The following TAF1C variants were observed in gnomAD, a reference collection of about 807,000 sequenced individuals.
The protein encoded by TAF1C is TATA-box binding protein associated factor, RNA polymerase I subunit C, also known as TATA box-binding protein-associated factor RNA polymerase I subunit C.
TAF1C carries 79 observed loss-of-function variants against 70.5 expected under a neutral mutation model. The observed-to-expected ratio is 1.12, with a 90% CI of 0.93 to 1.35. TAF1C has a LOEUF of 1.35. TAF1C is among the 40% of genes most tolerant of loss of function. The pLI is 0.00. For missense variants in TAF1C, 1,412 were observed against 1,127.8 expected (o/e 1.25, Z -3.61); for synonymous variants, 614 against 491.1 (o/e 1.25, Z -3.31).
At chr16:84,185,179 G>A (rs1163733057) in intron 1 of TAF1C, 119 bp from the exon 2 acceptor site, 6 of 596,130 alleles carry the variant, frequency 1.0e-5, no homozygotes, top group Admixed American at 3.7e-5. Context: ...CCAACCACCC[G>A]TCCAGGAGAA....
chr16:84,184,806 A>G (rs2089392086), intron 2 of TAF1C, 45 bp downstream of exon 2: 4 of 1,551,558 alleles, frequency 2.6e-6, no homozygotes. Context: ...GACCCAGGGA[A>G]GGGATGTCCC....
Position 84,179,332 on chromosome 16 carries a change from G to T in TAF1C, c.2141C>A (p.Thr714Asn). Residue 714 changes from threonine (T) to asparagine (N), a missense_variant, in exon 15 of 15, where the codon ACC becomes AAC. Thr to Asn is a moderately conservative substitution (Grantham distance 65, BLOSUM62 0). Transcript: ENST00000566732. ...CCTGGTCTGTCTCCCGGGCTCCGAG[G>T]TCCTGCCCTGCTGCCTCTCCCACCA... ...AAWWERQQGRTSEPGRQTRRP... is the reference protein window; with the variant it reads ...AAWWERQQGRNSEPGRQTRRP... 1 of 1,601,308 alleles carries T rather than the reference G, an allele frequency of 6.2e-7. No individual in the cohort carries two copies. Among genetic ancestry groups the T allele is most frequent in the Non-Finnish European group, 8.5e-7 (1 of 1,179,280 alleles).
rs759542480 is a variant in TAF1C at position 84,179,257 on chromosome 16, T to G, written c.2216A>C (p.His739Pro). ...QLSSSFSLSG[H>P]VDPSEDTSSP... ...GCTGGTGTCCTCTGAGGGATCCACA[T>G]GGCCACTGAGCGAAAAGCTGCTGGA... The change falls in exon 15 of 15, where the codon CAT (histidine) becomes CCT (proline). Residue 739 changes from histidine to proline, a missense_variant. Physicochemically the swap from His to Pro is moderately conservative, Grantham distance 77. Transcript: ENST00000566732. The G allele has an allele frequency of 6.3e-7, 1 of 1,585,452 alleles. No homozygotes were observed. The highest frequency in any genetic ancestry group is 1.1e-5 in the South Asian group (1 of 88,998).
chr16:84,181,518 C>G (rs771637785), intron 10 of TAF1C, 55 bp from the exon 11 acceptor site: 2 of 1,613,492 alleles, frequency 1.2e-6, no homozygotes, highest in Non-Finnish European at 1.7e-6. Flanking sequence ...GGAAGGGGCT[C>G]AAGGGTCGCG....
chr16:84,182,539 T>G lies in TAF1C; in HGVS notation c.483-99A>C. On this transcript the variant is annotated intron_variant, in intron 6 of 14. Coordinates refer to ENST00000566732, the MANE Select transcript of TAF1C (RefSeq NM_001243156.2). This position sits in a 1 kb window ranked among gnomAD's most constrained non-coding sequence, Gnocchi z 5.0. ...AAGTGCAGTGGACACATTTCTTATT[T>G]ACCTAGAATTTCTTCCTTTGGGAGA... 1 of 1,149,666 alleles carries G rather than the reference T, an allele frequency of 8.7e-7. No individual in the cohort carries two copies. The highest frequency in any genetic ancestry group is 1.2e-6 in the Non-Finnish European group (1 of 829,146). 71.2% of individuals were successfully genotyped at this position (1,149,666 alleles called of 1,614,324 possible).
intron 3 of TAF1C, 80 bp from the exon 4 acceptor site, chr16:84,183,587 G>C (rs772109710): frequency 1.9e-6 from 3 of 1,546,120 alleles, no homozygotes; most frequent in Non-Finnish European, 2.7e-6. Flanking sequence ...GGTATCCAAG[G>C]GTCCTGAGCA....
Position 84,181,384 on chromosome 16 carries a change from G to T in TAF1C, c.1108C>A (p.His370Asn). The change falls in exon 11 of 15, where the codon CAC becomes AAC. Residue 370 changes from histidine to asparagine, a missense_variant. Transcript: ENST00000566732. ...SSWRWADFTA[H>N]PRVLTVGDRT... The stretch of plus-strand genomic sequence containing the variant: ...TCACCCACGGTCAGCACCCGAGGGT[G>T]CGCAGTGAAGTCTGCCCAACGCCAC... 1 of 1,613,864 alleles carries T rather than the reference G, an allele frequency of 6.2e-7. No individual in the cohort carries two copies. Among genetic ancestry groups the T allele is most frequent in the Non-Finnish European group, 8.5e-7 (1 of 1,179,998 alleles).
Position 84,179,175 on chromosome 16 carries a change from G to C in TAF1C, c.2298C>G (p.Thr766=). ...PADALPLPPT[T]PPSQELTPDA... is the part of the protein sequence containing the mutation. Reference sequence around the variant, plus strand: ...CCGGAGTCAACTCCTGGGAGGGCGGGGTCGTGGGGGGCAGGGGCAGAGCAT... The same window carrying C: ...CCGGAGTCAACTCCTGGGAGGGCGGCGTCGTGGGGGGCAGGGGCAGAGCAT... Residue 766 remains threonine, a synonymous_variant, in exon 15 of 15, where the codon ACC becomes ACG. Coordinates refer to ENST00000566732, the MANE Select transcript of TAF1C (RefSeq NM_001243156.2). 2 of 1,595,808 alleles carry C rather than the reference G, an allele frequency of 1.3e-6. No individual in the cohort carries two copies. The highest frequency in any genetic ancestry group is 1.7e-6 in the Non-Finnish European group (2 of 1,176,262).
chr16:84,181,822 T>C lies in TAF1C; in HGVS notation c.880A>G (p.Lys294Glu). 2 of 1,614,156 alleles carry C rather than the reference T, an allele frequency of 1.2e-6. No homozygotes were observed. The highest frequency in any genetic ancestry group is 2.2e-5 in the South Asian group (2 of 91,084). Residue 294 changes from lysine (K) to glutamate (E), a missense_variant, in exon 9 of 15, where the codon AAG becomes GAG. Lys to Glu is a moderately conservative substitution (Grantham distance 56). Coordinates refer to ENST00000566732, the MANE Select transcript of TAF1C (RefSeq NM_001243156.2). ...GTTGGCTGCCACTGTTTACCAAACT[T>C]CCACACGGCACAGTGGTAGTCAGAG... ...VRSDYHCAVW[K>E]FGKQWQPTLL...
chr16:84,181,157 A>G lies in TAF1C; in HGVS notation c.1194T>C (p.Phe398=). The G allele has an allele frequency of 6.2e-7, 1 of 1,611,418 alleles. No individual in the cohort carries two copies. The highest frequency in any genetic ancestry group is 8.5e-7 in the Non-Finnish European group (1 of 1,177,818). The change falls in exon 12 of 15, where the codon TTT becomes TTC. Residue 398 remains phenylalanine (F), a synonymous_variant. Transcript: ENST00000566732. ...GGCACGAAGCCTCTGCCCCCAAACGAAAAAGCAACAGACCACAGCCCGGCG... is the reference window on the plus strand; with the variant it reads ...GGCACGAAGCCTCTGCCCCCAAACGGAAAAGCAACAGACCACAGCCCGGCG... ...QGPPGCGLLL[F]RLGAEASCQK... is the part of the protein sequence containing the mutation.
At chr16:84,186,186 G>GC (rs2089477227) in intron 1 of TAF1C, among the ~76,000 whole-genome samples, 3 of 152,168 alleles carry the variant, frequency 2.0e-5, no homozygotes, top group Non-Finnish European at 4.4e-5. Context: ...CCGATTCAGA[G>GC]GCAGAGCTCC....
chr16:84,182,063 G>A lies in TAF1C; in HGVS notation c.722-5C>T. 1 of 1,612,634 alleles carries A rather than the reference G, an allele frequency of 6.2e-7. No homozygotes were observed. Among genetic ancestry groups the A allele is most frequent in the Non-Finnish European group, 8.5e-7 (1 of 1,179,652 alleles). The stretch of plus-strand genomic sequence containing the variant: ...TCAGAACGACCTCTTGGAAATCTGG[G>A]CCTCTCACTAAGGATCAGTGCACGA... On this transcript the variant is annotated splice_polypyrimidine_tract_variant and splice_region_variant and intron_variant, in intron 7 of 14. Coordinates refer to ENST00000566732, the MANE Select transcript of TAF1C (RefSeq NM_001243156.2). This position sits in a 1 kb window ranked among gnomAD's most constrained non-coding sequence, Gnocchi z 5.0.
Position 84,181,429 on chromosome 16 carries a change from C to A in TAF1C, c.1063G>T (p.Val355Leu). The A allele has an allele frequency of 6.2e-7, 1 of 1,613,812 alleles. No homozygotes were observed. Among genetic ancestry groups the A allele is most frequent in the Non-Finnish European group, 8.5e-7 (1 of 1,180,000 alleles). ...RQIYRDPETL[V>L]FRDSSSWRWA... ...CGCCACGAAGAGGAGTCCCGGAACA[C>A]GAGGGTCTCAGGGTCCCTGTAGATT... Residue 355 changes from valine to leucine, a missense_variant, in exon 11 of 15, where the codon GTG becomes TTG. Transcript: ENST00000566732.
Position 84,182,278 on chromosome 16 carries a change from C to T in TAF1C, c.645G>A (p.Ala215=), listed in dbSNP as rs140898780. 4.4e-5 allele frequency: 71 copies of T among 1,612,916 alleles called. No homozygotes were observed. The highest frequency in any genetic ancestry group is 2.2e-4 in the East Asian group (10 of 44,882). The change falls in exon 7 of 15, where the codon GCG becomes GCA. Residue 215 remains alanine (A), a synonymous_variant. Transcript: ENST00000566732. This position sits in a 1 kb window ranked among gnomAD's most constrained non-coding sequence, Gnocchi z 5.0. ...LLLDEACTGG[A]LAWVPGRTPQ... ...GTGTCCTTCCAGGAACCCAGGCCAGCGCGCCCCCAGTGCAGGCCTCATCCA... is the reference window on the plus strand; with the variant it reads ...GTGTCCTTCCAGGAACCCAGGCCAGTGCGCCCCCAGTGCAGGCCTCATCCA...
chr16:84,178,188 C>T lies in TAF1C; in HGVS notation c.*753G>A, dbSNP rs760631100. The T allele has an allele frequency of 1.5e-5, 6 of 387,862 alleles. No individual in the cohort carries two copies. The highest frequency in any genetic ancestry group is 9.8e-5 in the South Asian group (5 of 50,798). The allele number at this position is 387,862 out of a possible 1,614,324, so 24.0% of individuals were successfully genotyped here. A position where few individuals can be genotyped will look rare whatever the true frequency, so the allele number is the denominator to read the frequency against. On this transcript the variant is annotated 3_prime_UTR_variant, in exon 15 of 15. Coordinates refer to ENST00000566732, the MANE Select transcript of TAF1C (RefSeq NM_001243156.2). ...GAAAGAAAGGGGGGAGTCTGTGAGG[C>T]ACAACAGAGAATTCCCCCAAACTGA...
At chr16:84,184,754 C>T in intron 2 of TAF1C, 97 bp downstream of exon 2, 1 of 1,438,414 alleles carries the variant, frequency 7.0e-7, no homozygotes, top group Non-Finnish European at 9.3e-7. Flanking sequence ...GTGAATGCCA[C>T]CACTCTGTGG....
intron 1 of TAF1C, chr16:84,185,615 A>G (rs994690518): frequency 6.6e-6 from 1 of 152,270 alleles, no homozygotes; most frequent in Non-Finnish European, 1.5e-5. Flanking sequence ...TTTCTATCAC[A>G]AGGGGCCGGG....
rs765355608 is a variant in TAF1C, at chr16:84,181,178, C to T, written c.1173G>A (p.Pro391=). 1.2e-5 allele frequency: 20 copies of T among 1,607,836 alleles called. No homozygotes were observed. In the Admixed American group the frequency reaches 1.3e-4, roughly 11 times the overall value. ...AACGAAAAAGCAACAGACCACAGCC[C>T]GGCGGGCCCTGGAAGATAAACACAG... ...GVKMLDTQGP[P]GCGLLLFRLG... The change falls in exon 12 of 15, where the codon CCG becomes CCA. Residue 391 remains proline (P), a synonymous_variant. Coordinates refer to ENST00000566732, the MANE Select transcript of TAF1C (RefSeq NM_001243156.2).
rs771356148 is a variant in TAF1C at position 84,182,192 on chromosome 16, G to C, written c.721+10C>G. ...CCCGCTGGAATCTCCTGTCTCGCAA[G>C]AAAGGATACGCAGCCTGTCCTGGGC... On this transcript the variant is annotated intron_variant, in intron 7 of 14. Transcript: ENST00000566732. The surrounding 1 kb of genome is among the most constrained non-coding windows in gnomAD (Gnocchi z 5.0). 6.2e-7 allele frequency: 1 copy of C among 1,602,438 alleles called. No individual in the cohort carries two copies. Among genetic ancestry groups the C allele is most frequent in the Non-Finnish European group, 8.5e-7 (1 of 1,172,478 alleles).
Sources: gnomAD v4.1 joint callset for allele counts (sites outside exome capture counted in the v4.1 genomes callset) on GRCh38, gnomAD v4.1.1 for gene constraint, Gnocchi (gnomAD v3.1) non-coding constraint, MANE v1.5 for transcripts, NCBI Gene and HGNC (gene_info 2026-07-23, HGNC 2026-07-21) for gene names.